Variants in PDE4D observed in about 807,000 individuals in gnomAD.
PDE4D encodes phosphodiesterase 4D.
PDE4D carries 24 observed loss-of-function variants against 87.4 expected under a neutral mutation model. That is an observed-to-expected ratio of 0.27 (90% CI 0.20 to 0.39). The LOEUF is 0.39. Among genes scored for constraint, PDE4D ranks in the 10% least tolerant of loss-of-function variants. The pLI, the probability that PDE4D is intolerant of heterozygous loss-of-function variation, is 1.00. For missense variants in PDE4D, 714 were observed against 1,041.0 expected (o/e 0.69, Z 4.32); for synonymous variants, 384 against 383.2 (o/e 1.00, Z -0.02).
rs1387431926 is a variant in PDE4D, at chr5:60,160,926, A to G, written c.42+24631T>C. The stretch of plus-strand genomic sequence containing the variant: ...AATTCTAGGAAAACATCTTAAATTT[A>G]TAAGTCAATAAAAACACTTCAAAAC... On this transcript the variant is annotated intron_variant, in intron 2 of 16. Coordinates refer to the PDE4D transcript ENST00000502484. 1.6e-5 allele frequency: 6 copies of G among 371,902 alleles called. No individual in the cohort carries two copies. In the East Asian group the frequency reaches 4.3e-4, roughly 27 times the overall value. 23.0% of individuals were successfully genotyped at this position (371,902 alleles called of 1,614,324 possible). A position where few individuals can be genotyped will look rare whatever the true frequency, so the allele number is the denominator to read the frequency against.
chr5:59,600,077 C>T (rs1284846854), intron 1 of PDE4D, among the ~76,000 whole-genome samples: 1 of 152,120 alleles, frequency 6.6e-6, no homozygotes, highest in African/African-American at 2.4e-5. Context: ...TAACCAGCAC[C>T]CCCATCAAGG....
rs372619884 is a variant in PDE4D at position 59,395,047 on chromosome 5, G to A, written c.456-179079C>T. 1.7e-4 allele frequency among the ~76,000 whole-genome samples: 26 copies of A among 152,330 alleles called. No homozygotes were observed. In the South Asian group the frequency reaches 2.5e-3, roughly 15 times the overall value. ...ACGGGCTTAAAAAACAGCACACCACGAGATTATATCCCGCACCTGGCTGGG... is the reference window on the plus strand; with the variant it reads ...ACGGGCTTAAAAAACAGCACACCACAAGATTATATCCCGCACCTGGCTGGG... On this transcript the variant is annotated intron_variant, in intron 1 of 14. Transcript: ENST00000340635.
chr5:60,263,307 T>G (rs1387712196), intron 1 of PDE4D, among the ~76,000 whole-genome samples: 1 of 152,230 alleles, frequency 6.6e-6, no homozygotes, highest in African/African-American at 2.4e-5. Context: ...ATTTGATTTA[T>G]TCTTTCTGCA....
chr5:59,198,919 A>G (rs1047262035), intron 2 of PDE4D, among the ~76,000 whole-genome samples: 1 of 152,214 alleles, frequency 6.6e-6, no homozygotes, highest in Non-Finnish European at 1.5e-5. Flanking sequence ...GCCTGTTGTC[A>G]TCTTAAAAAA....
intron 11 of PDE4D, among the ~76,000 whole-genome samples, chr5:58,982,856 C>A (rs1051829818): frequency 1.3e-5 from 2 of 152,168 alleles, no homozygotes; most frequent in Non-Finnish European, 2.9e-5. Context: ...AATGGGTCAT[C>A]CTATTCACTT....
intron 1 of PDE4D, among the ~76,000 whole-genome samples, chr5:59,428,127 T>A (rs1182122525): frequency 6.6e-6 from 1 of 152,174 alleles, no homozygotes; most frequent in African/African-American, 2.4e-5. Flanking sequence ...TGTGGTCATG[T>A]GTCTAATCTA....
At chr5:60,187,230 G>C (rs982545252) in intron 1 of PDE4D, among the ~76,000 whole-genome samples, 13 of 152,164 alleles carry the variant, frequency 8.5e-5, no homozygotes, top group African/African-American at 3.1e-4. Context: ...GATTTGAAGG[G>C]AGGAGCTGAT....
At chr5:60,347,676 C>T (rs1758844916) in intron 1 of PDE4D, among the ~76,000 whole-genome samples, 1 of 152,012 alleles carries the variant, frequency 6.6e-6, no homozygotes, top group Non-Finnish European at 1.5e-5. Flanking sequence ...AATGAGAAAG[C>T]ACAAGTCTAG....
At chr5:59,144,397 ATAAC>A (rs943750144) in intron 5 of PDE4D, among the ~76,000 whole-genome samples, 2 of 152,208 alleles carry the variant, frequency 1.3e-5, no homozygotes, top group African/African-American at 4.8e-5. Flanking sequence ...TTTTTCCAGA[ATAAC>A]TAAAAAGCTG....
At chr5:60,077,705 G>A (rs1773465359) in intron 2 of PDE4D, among the ~76,000 whole-genome samples, 1 of 152,122 alleles carries the variant, frequency 6.6e-6, no homozygotes, top group African/African-American at 2.4e-5. Flanking sequence ...TCCACTATAG[G>A]TGCTCCCACT....
chr5:60,498,873 A>G (rs765760283), intron 1 of PDE4D, among the ~76,000 whole-genome samples: 3 of 152,184 alleles, frequency 2.0e-5, no homozygotes, highest in Non-Finnish European at 4.4e-5. Context: ...GATCTCTGAC[A>G]GAAGAACTGT....
At chr5:59,530,609 T>TA (rs35842486) in intron 1 of PDE4D, among the ~76,000 whole-genome samples, 32 of 149,664 alleles carry the variant, frequency 2.1e-4, no homozygotes, top group South Asian at 8.5e-4. Context: ...ACCATATTAT[T>TA]AAAAAAAAAA....
At chr5:59,899,369 A>G (rs1394495700) in intron 3 of PDE4D, among the ~76,000 whole-genome samples, 5 of 152,100 alleles carry the variant, frequency 3.3e-5, no homozygotes, top group Non-Finnish European at 5.9e-5. Context: ...TGGAGATAAA[A>G]AAGTCAATAA....
intron 1 of PDE4D, among the ~76,000 whole-genome samples, chr5:59,783,017 A>G (rs1362164089): frequency 1.3e-5 from 2 of 152,166 alleles, no homozygotes; most frequent in African/African-American, 2.4e-5. Flanking sequence ...CTATGTGAGT[A>G]TGGATGTGTT....
At chr5:60,352,689 AAAC>A (rs971037061) in intron 1 of PDE4D, among the ~76,000 whole-genome samples, 3 of 152,220 alleles carry the variant, frequency 2.0e-5, no homozygotes, top group Non-Finnish European at 4.4e-5. Context: ...TTTATAGCTC[AAAC>A]AACTCAATTT....
intron 2 of PDE4D, among the ~76,000 whole-genome samples, chr5:60,093,133 T>G (rs1185227514): frequency 6.6e-6 from 1 of 152,232 alleles, no homozygotes; most frequent in South Asian, 2.1e-4. Context: ...GGAATCTTTC[T>G]GAAGAAGCCT....
intron 1 of PDE4D, among the ~76,000 whole-genome samples, chr5:60,454,325 T>G (rs1397980807): frequency 6.6e-6 from 1 of 152,168 alleles, no homozygotes; most frequent in Non-Finnish European, 1.5e-5. Flanking sequence ...TTATAAATCA[T>G]TCTATTATAA....
At chr5:59,175,221 C>A (rs565447277) in intron 5 of PDE4D, among the ~76,000 whole-genome samples, 1 of 152,084 alleles carries the variant, frequency 6.6e-6, no homozygotes, top group Non-Finnish European at 1.5e-5. Context: ...ACATTAAGGA[C>A]GTATGTAGGT....
intron 1 of PDE4D, among the ~76,000 whole-genome samples, chr5:59,780,976 G>T (rs1764556699): frequency 6.6e-6 from 1 of 151,972 alleles, no homozygotes; most frequent in African/African-American, 2.4e-5. Flanking sequence ...AGACCAGCCT[G>T]ACTAACGTGG....
Sources: allele counts gnomAD v4.1 joint callset (sites outside exome capture counted in the v4.1 genomes callset), GRCh38; gene constraint gnomAD v4.1.1; transcripts MANE v1.5; gene names NCBI Gene and HGNC (gene_info 2026-07-23, HGNC 2026-07-21).